The following CCSER1 variants were observed in gnomAD, a reference collection of about 807,000 sequenced individuals.
The protein encoded by CCSER1 is coiled-coil serine rich protein 1, also known as serine-rich coiled-coil domain-containing protein 1.
A neutral mutation model predicts 82.0 loss-of-function variants in CCSER1; 41 were observed. That is an observed-to-expected ratio of 0.50 (90% CI 0.39 to 0.65). CCSER1 has a LOEUF of 0.65. Ranked by LOEUF, CCSER1 falls within the 30% of genes least tolerant of loss-of-function variation. The pLI, the probability that CCSER1 is intolerant of heterozygous loss-of-function variation, is 0.00. For synonymous variants in CCSER1, 414 were observed against 383.9 expected, an observed-to-expected ratio of 1.08 and a Z score of -0.92; for missense variants, 1,119 against 1,064.2, an observed-to-expected ratio of 1.05 and a Z score of -0.72.
chr4:91,445,717 A>G (rs1301886579), intron 10 of CCSER1, among the ~76,000 whole-genome samples: 1 of 151,998 alleles, frequency 6.6e-6, no homozygotes, highest in Non-Finnish European at 1.5e-5. Context: ...CTAACTATCC[A>G]CCATCCATTT....
chr4:91,377,523 A>ATTTGTTGGCTGCATAAGTGTGTTC (rs1750520650), intron 10 of CCSER1, among the ~76,000 whole-genome samples: 1 of 151,968 alleles, frequency 6.6e-6, no homozygotes, highest in East Asian at 1.9e-4. Context: ...GTTTTCATGT[A>ATTTGTTGGCTGCATAAGTGTGTTC]TTTGTTGGCT....
intron 7 of CCSER1, among the ~76,000 whole-genome samples, chr4:90,728,916 G>A (rs1744203878): frequency 6.6e-6 from 1 of 152,102 alleles, no homozygotes; most frequent in Admixed American, 6.6e-5. Flanking sequence ...TTTCTATAAT[G>A]ACCACTTATT....
intron 10 of CCSER1, among the ~76,000 whole-genome samples, chr4:91,351,169 C>T (rs933716458): frequency 2.0e-5 from 3 of 151,528 alleles, no homozygotes; most frequent in Admixed American, 6.6e-5. Flanking sequence ...GAGAATATTT[C>T]CTTCATGACA....
At chr4:90,232,106 G>A (rs79718701) in intron 1 of CCSER1, among the ~76,000 whole-genome samples, 6 of 152,060 alleles carry the variant, frequency 3.9e-5, no homozygotes, top group Admixed American at 2.6e-4. Flanking sequence ...TTTCTTCACA[G>A]AATTGGAAAA....
chr4:90,543,222 A>C (rs761575790), intron 5 of CCSER1, among the ~76,000 whole-genome samples: 17 of 152,120 alleles, frequency 1.1e-4, no homozygotes, highest in Non-Finnish European at 2.1e-4. Context: ...GAGACCTTAC[A>C]TGGAGCCGAA....
Position 90,616,724 on chromosome 4 carries a change from CACACACACACACACAAATAAAATA to C in CCSER1, c.1725-11299_1725-11276del, listed in dbSNP as rs1406132046. On this transcript the variant is annotated intron_variant, in intron 5 of 10. Coordinates refer to ENST00000509176, the MANE Select transcript of CCSER1 (RefSeq NM_001145065.2). ...ACACACACACACACACACACACACA[CACACACACACACACAAATAAAATA>C]AAATAAAAGGGAGAGAGAGAAAAAA... Among the ~76,000 whole-genome samples the C allele has an allele frequency of 1.4e-4, 16 of 111,346 alleles. No homozygotes were observed. The South Asian group carries it at 2.6e-3, about 18-fold the overall frequency. The allele number at this position is 111,346 out of a possible 152,430, so 73.0% of individuals were successfully genotyped here. A position where few individuals can be genotyped will look rare whatever the true frequency, so the allele number is the denominator to read the frequency against.
At chr4:90,603,187 G>A (rs765724991) in intron 5 of CCSER1, among the ~76,000 whole-genome samples, 6 of 152,208 alleles carry the variant, frequency 3.9e-5, no homozygotes, top group Non-Finnish European at 8.8e-5. Flanking sequence ...AGAAGCGTAT[G>A]CAGTGGCTGG....
At chr4:91,450,061 G>A (rs139495091) in intron 10 of CCSER1, among the ~76,000 whole-genome samples, 241 of 152,076 alleles carry the variant, frequency 1.6e-3, no homozygotes, top group African/African-American at 5.5e-3. Context: ...GCTATGAACT[G>A]GGTACTACAC....
intron 10 of CCSER1, among the ~76,000 whole-genome samples, chr4:91,562,784 C>T (rs557132525): frequency 1.8e-4 from 27 of 151,412 alleles, no homozygotes; most frequent in East Asian, 1.6e-3. Flanking sequence ...GATATTGTAA[C>T]GTATTTTATT....
At chr4:90,735,658 C>T (rs1004460029) in intron 7 of CCSER1, among the ~76,000 whole-genome samples, 1 of 151,948 alleles carries the variant, frequency 6.6e-6, no homozygotes, top group African/African-American at 2.4e-5. Flanking sequence ...TATAATGTCT[C>T]CTTTTTCATC....
chr4:90,483,487 G>A (rs1432881842), intron 5 of CCSER1, among the ~76,000 whole-genome samples: 1 of 152,136 alleles, frequency 6.6e-6, no homozygotes, highest in Admixed American at 6.6e-5. Flanking sequence ...TTACAATTTA[G>A]CATGTTTTTG....
intron 10 of CCSER1, among the ~76,000 whole-genome samples, chr4:91,563,313 A>C (rs1762741499): frequency 6.6e-6 from 1 of 151,794 alleles, no homozygotes; most frequent in Non-Finnish European, 1.5e-5. Context: ...CATATCAAAA[A>C]GGATGATTCA....
At chr4:91,317,472 T>C (rs1312516800) in intron 10 of CCSER1, among the ~76,000 whole-genome samples, 2 of 151,972 alleles carry the variant, frequency 1.3e-5, no homozygotes, top group Non-Finnish European at 2.9e-5. Flanking sequence ...ACTCTTCATA[T>C]ATTATGGAAG....
chr4:91,309,696 G>A (rs1745324175), intron 10 of CCSER1, among the ~76,000 whole-genome samples: 1 of 152,006 alleles, frequency 6.6e-6, no homozygotes, highest in Non-Finnish European at 1.5e-5. Context: ...GCAATGGAAT[G>A]TAAAACCAAA....
At position 91,217,666 on chromosome 4, in the gene CCSER1, C is replaced by T. The variant is rs1195881917; in HGVS notation, c.2217+131672C>T. ...CAAACCTTGAGTTAAACACAGGGTG[C>T]TGATTGGCATATTTACAAACCCTGA... On this transcript the variant is annotated intron_variant, in intron 10 of 10. Coordinates refer to ENST00000509176, the MANE Select transcript of CCSER1 (RefSeq NM_001145065.2). 5.3e-5 allele frequency among the ~76,000 whole-genome samples: 8 copies of T among 152,298 alleles called. No homozygotes were observed. In the East Asian group the frequency reaches 1.5e-3, roughly 29 times the overall value.
At chr4:90,182,285 G>C (rs1170946509) in intron 1 of CCSER1, among the ~76,000 whole-genome samples, 2 of 151,878 alleles carry the variant, frequency 1.3e-5, no homozygotes, top group African/African-American at 2.4e-5. Context: ...AGTTGTTTTT[G>C]ATTTGACTCA....
rs146676750 is a variant in CCSER1, at chr4:91,561,493, G to A, written c.2218-37079G>A. ...TCACTAGTCAGTGAGATTATCCCCT[G>A]ATCCCTCATGTAGTCATTCTTTAGC... On this transcript the variant is annotated intron_variant, in intron 10 of 10. Transcript: ENST00000509176. Among the ~76,000 whole-genome samples the A allele has an allele frequency of 9.9e-5, 15 of 151,488 alleles. No individual in the cohort carries two copies. The East Asian group carries it at 2.9e-3, about 29-fold the overall frequency.
chr4:90,426,486 T>C (rs1243047374), intron 4 of CCSER1, among the ~76,000 whole-genome samples: 1 of 151,980 alleles, frequency 6.6e-6, no homozygotes, highest in Non-Finnish European at 1.5e-5. Context: ...GGGGGAGTGG[T>C]GACATATTTT....
intron 10 of CCSER1, among the ~76,000 whole-genome samples, chr4:91,226,164 T>A (rs1355170190): frequency 1.3e-5 from 2 of 151,774 alleles, no homozygotes; most frequent in African/African-American, 2.4e-5. Flanking sequence ...CTAAAATTAA[T>A]GACTCAGAGA....
Sources: gnomAD v4.1 joint callset for allele counts (sites outside exome capture counted in the v4.1 genomes callset) on GRCh38, gnomAD v4.1.1 for gene constraint, MANE v1.5 for transcripts, NCBI Gene and HGNC (gene_info 2026-07-23, HGNC 2026-07-21) for gene names.